The following MCMDC2 variants were observed in gnomAD, a reference collection of about 807,000 sequenced individuals.
MCMDC2 encodes the protein minichromosome maintenance domain-containing protein 2.
MCMDC2 carries 54 observed loss-of-function variants against 75.8 expected under a neutral mutation model. That is an observed-to-expected ratio of 0.71 (90% CI 0.57 to 0.89). The LOEUF (loss-of-function observed/expected upper bound fraction) is 0.89, where lower values mean the gene tolerates loss of function less well. Among genes scored for constraint, MCMDC2 ranks in the 40% least tolerant of loss-of-function variants. The pLI is 0.00. For missense variants in MCMDC2, 656 were observed against 780.4 expected (o/e 0.84, Z 1.90); for synonymous variants, 249 against 274.6 (o/e 0.91, Z 0.92).
At chr8:66,924,772 A>T (rs368557525), downstream of MCMDC2, among the ~76,000 whole-genome samples, 313 of 152,258 alleles carry the variant, frequency 2.1e-3, 3 homozygotes, top group African/African-American at 7.3e-3. Flanking sequence ...GCAGGCATTT[A>T]GCCTAAGGGC....
Position 66,885,187 on chromosome 8 carries a change from G to A in MCMDC2, c.1073+1193G>A, listed in dbSNP as rs556707309. On this transcript the variant is annotated intron_variant, in intron 9 of 14. Transcript: ENST00000422365. ...TCTCTACTAAAAATACAAAAAATTA[G>A]CCAGGTGTGGTGGCACGCGCCTGTA... is the stretch of plus-strand genomic sequence containing the variant. Among the ~76,000 whole-genome samples, 3 of 152,068 alleles carry A rather than the reference G, an allele frequency of 2.0e-5. No individual in the cohort carries two copies. In the East Asian group the frequency reaches 5.8e-4, roughly 30 times the overall value.
At chr8:66,885,476 ATTG>A (rs1811797317) in intron 9 of MCMDC2, among the ~76,000 whole-genome samples, 3 of 151,938 alleles carry the variant, frequency 2.0e-5, no homozygotes, top group Admixed American at 2.0e-4. Context: ...ATTCTTGATC[ATTG>A]TTGTTTTTAT....
intron 14 of MCMDC2, among the ~76,000 whole-genome samples, chr8:66,916,724 T>C (rs1813338309): frequency 6.6e-6 from 1 of 152,142 alleles, no homozygotes; most frequent in Non-Finnish European, 1.5e-5. Flanking sequence ...TCTGTAGACC[T>C]GAAACATTTG....
At chr8:66,873,623 C>A (rs1251978785) in intron 1 of MCMDC2, among the ~76,000 whole-genome samples, 1 of 152,146 alleles carries the variant, frequency 6.6e-6, no homozygotes, top group Non-Finnish European at 1.5e-5. Context: ...CGCGATGGCT[C>A]ACACCTGTAA....
At chr8:66,894,181 A>G (rs1812238091) in intron 10 of MCMDC2, among the ~76,000 whole-genome samples, 1 of 152,232 alleles carries the variant, frequency 6.6e-6, no homozygotes, top group African/African-American at 2.4e-5. Context: ...GCCAGTGCTT[A>G]TATTTCCATA....
chr8:66,916,905 G>C (rs1049613418), intron 14 of MCMDC2, among the ~76,000 whole-genome samples: 2 of 152,160 alleles, frequency 1.3e-5, no homozygotes, highest in South Asian at 4.1e-4. Context: ...GGAGTTAAAT[G>C]GGTTATCCAC....
intron 8 of MCMDC2, among the ~76,000 whole-genome samples, chr8:66,882,441 C>T (rs1389447607): frequency 6.6e-6 from 1 of 152,088 alleles, no homozygotes; most frequent in African/African-American, 2.4e-5. Context: ...TCTCAGCTCA[C>T]TGCAACCTCC....
intron 9 of MCMDC2, among the ~76,000 whole-genome samples, chr8:66,885,060 G>A (rs1811771792): frequency 6.6e-6 from 1 of 152,152 alleles, no homozygotes; most frequent in Non-Finnish European, 1.5e-5. Flanking sequence ...TGGGCTGGGC[G>A]TGGTGGCTCA....
chr8:66,905,463 C>A, intron 14 of MCMDC2, 128 bp downstream of exon 14: 1 of 837,164 alleles, frequency 1.2e-6, no homozygotes, highest in Non-Finnish European at 1.6e-6. Context: ...AAATCTCTAC[C>A]AGGTAAGGCC....
rs768287938 is a variant in MCMDC2 at position 66,874,352 on chromosome 8, C to A, written c.121C>A (p.Arg41=). The A allele has an allele frequency of 3.1e-6, 5 of 1,612,600 alleles. No individual in the cohort carries two copies. Among genetic ancestry groups the A allele is most frequent in the Non-Finnish European group, 4.2e-6 (5 of 1,179,584 alleles). ...TTCAAAACAAAGCTATGCTGTCTAT[C>A]GATTCAAAATTTTAATAAATCCCTC... ...NDSKQSYAVY[R]FKILINPSDV... The change falls in exon 3 of 15, where the codon CGA becomes AGA. Residue 41 remains arginine (R), a synonymous_variant. Transcript: ENST00000422365.
At chr8:66,911,934 C>T (rs1452510083) in intron 14 of MCMDC2, among the ~76,000 whole-genome samples, 1 of 152,166 alleles carries the variant, frequency 6.6e-6, no homozygotes, top group Non-Finnish European at 1.5e-5. Flanking sequence ...TGTTATTATG[C>T]CTGCTAACAT....
chr8:66,906,810 C>G (rs1031072393), intron 14 of MCMDC2, among the ~76,000 whole-genome samples: 1 of 151,056 alleles, frequency 6.6e-6, no homozygotes, highest in African/African-American at 2.4e-5. Flanking sequence ...GAGTTTCACT[C>G]TTGTTGCCCA....
In MCMDC2 at chr8:66,878,865, G is replaced by GA; in HGVS notation, c.655_656insA (p.Gly219GlufsTer4). 1.2e-6 allele frequency: 2 copies of GA among 1,610,634 alleles called. No individual in the cohort carries two copies. The highest frequency in any genetic ancestry group is 1.7e-6 in the Non-Finnish European group (2 of 1,179,002). On this transcript the variant is annotated frameshift_variant, in exon 7 of 15. Coordinates refer to ENST00000422365, the MANE Select transcript of MCMDC2 (RefSeq NM_173518.5). LOFTEE classifies it high-confidence loss of function. ...CACAAAGGCACTTCGTGCTTTTCAA[G>GA]GATATTCTAACAACCAGCCATTTAG... is the stretch of plus-strand genomic sequence containing the variant.
chr8:66,900,211 C>T (rs535459102), intron 12 of MCMDC2, among the ~76,000 whole-genome samples: 10 of 151,974 alleles, frequency 6.6e-5, no homozygotes, highest in South Asian at 2.1e-4. Flanking sequence ...CCGAGGTGGG[C>T]GGATCACCTG....
At chr8:66,902,706 AAAAAAATATATAT>A (rs1812731899) in intron 13 of MCMDC2, among the ~76,000 whole-genome samples, 1 of 131,460 alleles carries the variant, frequency 7.6e-6, no homozygotes, top group Non-Finnish European at 1.6e-5. Context: ...AAAAAAAAAA[AAAAAAATATATAT>A]ATATATATAT....
At chr8:66,915,499 A>G (rs904890987) in intron 14 of MCMDC2, among the ~76,000 whole-genome samples, 6 of 147,174 alleles carry the variant, frequency 4.1e-5, no homozygotes, top group African/African-American at 1.5e-4. Flanking sequence ...ATATATTTAT[A>G]TATGTTTTAT....
At chr8:66,894,123 C>T (rs1812234953) in intron 10 of MCMDC2, among the ~76,000 whole-genome samples, 1 of 152,162 alleles carries the variant, frequency 6.6e-6, no homozygotes, top group Admixed American at 6.5e-5. Flanking sequence ...TTAATTTGTA[C>T]TTTCTCTGAT....
At position 66,893,561 on chromosome 8, in the gene MCMDC2, G is replaced by A. The variant is rs531643685; in HGVS notation, c.1279+2491G>A. 7.2e-5 allele frequency among the ~76,000 whole-genome samples: 11 copies of A among 152,246 alleles called. No homozygotes were observed. In the South Asian group the frequency reaches 1.0e-3, roughly 14 times the overall value. ...GAGGGCTTGTGCAGGGAAACTCCCC[G>A]TTTTAAAACTATTAGATCTTGTGAG... On this transcript the variant is annotated intron_variant, in intron 10 of 14. Transcript: ENST00000422365.
chr8:66,912,586 C>T (rs141039083), intron 14 of MCMDC2, among the ~76,000 whole-genome samples: 2 of 152,256 alleles, frequency 1.3e-5, no homozygotes, highest in Admixed American at 6.5e-5. Context: ...ACATATACAC[C>T]ATGGAATATT....
Sources: gnomAD v4.1 joint callset for allele counts (sites outside exome capture counted in the v4.1 genomes callset) on GRCh38, gnomAD v4.1.1 for gene constraint, MANE v1.5 for transcripts, NCBI Gene and HGNC (gene_info 2026-07-23, HGNC 2026-07-21) for gene names.